SGPL1: variants seen among roughly 807,000 people sequenced by gnomAD.
The protein encoded by SGPL1 is SP-lyase 1.
In SGPL1, 37 loss-of-function variants were observed where a neutral mutation model predicts 68.9. The ratio of observed to expected loss-of-function variants is 0.54; its 90% CI spans 0.41 to 0.71. The LOEUF is 0.71. Among genes scored for constraint, SGPL1 ranks in the 30% least tolerant of loss-of-function variants. The pLI is 0.00. For synonymous variants in SGPL1, 236 were observed against 248.5 expected, an observed-to-expected ratio of 0.95 and a Z score of 0.47; for missense variants, 551 against 704.6, an observed-to-expected ratio of 0.78 and a Z score of 2.47.
chr10:70,819,484 T>C (rs531105551), intron 2 of SGPL1, among the ~76,000 whole-genome samples: 2 of 152,152 alleles, frequency 1.3e-5, no homozygotes, highest in Non-Finnish European at 2.9e-5. Flanking sequence ...CTATGAGGTG[T>C]TTCTCAAGCT....
chr10:70,854,908 G>T, intron 5 of SGPL1, 53 bp downstream of exon 5: 1 of 1,462,900 alleles, frequency 6.8e-7, no homozygotes, highest in African/African-American at 1.4e-5. Context: ...GACAGGTTTT[G>T]TCATTGTTTA....
chr10:70,849,846 T>G (rs1845850710), intron 3 of SGPL1, among the ~76,000 whole-genome samples: 1 of 152,216 alleles, frequency 6.6e-6, no homozygotes, highest in South Asian at 2.1e-4. Flanking sequence ...TGAAGCAGTA[T>G]AGAATCCTGG....
intron 2 of SGPL1, among the ~76,000 whole-genome samples, chr10:70,843,759 T>C (rs1020474103): frequency 1.3e-5 from 2 of 152,224 alleles, no homozygotes; most frequent in Non-Finnish European, 2.9e-5. Flanking sequence ...AGAGCAGGCA[T>C]TGGTAAATTG....
In SGPL1 at chr10:70,854,689, G is replaced by T. The variant is rs2131903241; in HGVS notation, c.262-19G>T. The stretch of plus-strand genomic sequence containing the variant: ...TGTACTCTTGCATCTGGATAACTTT[G>T]TCTTTCTTACCTTTGGAGATTCAAG... On this transcript the variant is annotated intron_variant, in intron 4 of 14. Transcript: ENST00000373202. 1 of 1,597,044 alleles carries T rather than the reference G, an allele frequency of 6.3e-7. No individual in the cohort carries two copies. The highest frequency in any genetic ancestry group is 2.2e-5 in the East Asian group (1 of 44,698).
chr10:70,847,914 G>A (rs1374504692), intron 3 of SGPL1, among the ~76,000 whole-genome samples: 5 of 152,220 alleles, frequency 3.3e-5, no homozygotes, highest in Non-Finnish European at 5.9e-5. Flanking sequence ...CCCTCTTGAG[G>A]GAAGAGAGTA....
intron 7 of SGPL1, among the ~76,000 whole-genome samples, chr10:70,864,261 C>T (rs1354737882): frequency 6.6e-6 from 1 of 152,146 alleles, no homozygotes; most frequent in Non-Finnish European, 1.5e-5. Context: ...CTCCGCTTTT[C>T]ATATGATTTC....
At position 70,879,683 on chromosome 10, in the gene SGPL1, A is replaced by G. The variant is rs563646295; in HGVS notation, c.*2348A>G. ...CTCGCTTCCTCTGTGCTGTGACAACATTGGTGCCAGGGGAGATGGTGTTTT... is the reference window on the plus strand; with the variant it reads ...CTCGCTTCCTCTGTGCTGTGACAACGTTGGTGCCAGGGGAGATGGTGTTTT... On this transcript the variant is annotated 3_prime_UTR_variant, in exon 15 of 15. Coordinates refer to ENST00000373202, the MANE Select transcript of SGPL1 (RefSeq NM_003901.4). 6.6e-6 allele frequency: 1 copy of G among 152,516 alleles called. No homozygotes were observed. The highest frequency in any genetic ancestry group is 2.4e-5 in the African/African-American group (1 of 41,566). 9.4% of individuals were successfully genotyped at this position (152,516 alleles called of 1,614,324 possible).
chr10:70,835,109 A>C (rs1845603364), intron 2 of SGPL1, among the ~76,000 whole-genome samples: 1 of 152,222 alleles, frequency 6.6e-6, no homozygotes, highest in South Asian at 2.1e-4. Context: ...GAAACATCCT[A>C]GGATCTTGCA....
Position 70,859,400 on chromosome 10 carries a change from C to T in SGPL1, c.516C>T (p.Pro172=), listed in dbSNP as rs761471991. Residue 172 remains proline (P), a synonymous_variant, in exon 7 of 15, where the codon CCC becomes CCT. Transcript: ENST00000373202. ...ATGGAGATTTTGCATGGAGTAACCC[C>T]CTGCATCCAGATATCTTCCCAGGAC... ...KAYGDFAWSN[P]LHPDIFPGLR... 19 of 1,543,252 alleles carry T rather than the reference C, an allele frequency of 1.2e-5. No individual in the cohort carries two copies. The African/African-American group carries it at 1.3e-4, about 10-fold the overall frequency.
intron 3 of SGPL1, among the ~76,000 whole-genome samples, chr10:70,849,926 T>C (rs1366256288): frequency 2.0e-5 from 3 of 152,230 alleles, no homozygotes; most frequent in Admixed American, 2.0e-4. Flanking sequence ...TCTGTGGCCT[T>C]GAGCAAGTTT....
intron 2 of SGPL1, among the ~76,000 whole-genome samples, chr10:70,830,900 A>T (rs1589450288): frequency 6.6e-6 from 1 of 152,334 alleles, no homozygotes; most frequent in East Asian, 1.9e-4. Context: ...ACTCCAAAAG[A>T]GGAAACCAGG....
intron 12 of SGPL1, among the ~76,000 whole-genome samples, chr10:70,874,891 C>G (rs1178526041): frequency 6.6e-6 from 1 of 152,042 alleles, no homozygotes; most frequent in Admixed American, 6.6e-5. Flanking sequence ...GGTGACAGAG[C>G]AAGACCCTGT....
chr10:70,826,632 C>G (rs1207849604), intron 2 of SGPL1, among the ~76,000 whole-genome samples: 2 of 152,174 alleles, frequency 1.3e-5, no homozygotes, highest in African/African-American at 4.8e-5. Flanking sequence ...TACGCTTCAC[C>G]CTGTTACAAA....
At chr10:70,877,010 T>C (rs886310324) in intron 14 of SGPL1, among the ~76,000 whole-genome samples, 185 bp from the exon 15 acceptor site, 38 of 152,200 alleles carry the variant, frequency 2.5e-4, no homozygotes, top group Admixed American at 2.2e-3. Flanking sequence ...GACTGGAAAG[T>C]CCCTGTGAAA....
rs373068535 is a variant in SGPL1, at chr10:70,869,856, G to T, written c.769G>T (p.Val257Leu). The change falls in exon 9 of 15, where the codon GTG becomes TTG. Residue 257 changes from valine to leucine, a missense_variant. Transcript: ENST00000373202. ...AGCCAGTTACTTTGGGATGAAGATT[G>T]TGCGGGTCCCATTGACGAAGATGAT... ...KAASYFGMKI[V>L]RVPLTKMMEV... 64 of 1,614,030 alleles carry T rather than the reference G, an allele frequency of 4.0e-5. No individual in the cohort carries two copies. The African/African-American group carries it at 7.6e-4, about 19-fold the overall frequency.
chr10:70,829,115 C>T (rs79077873), intron 2 of SGPL1, among the ~76,000 whole-genome samples: 10,650 of 152,172 alleles, frequency 0.07, 490 homozygotes, highest in African/African-American at 0.1. Context: ...CCAACAATCA[C>T]GACCACAAGA....
chr10:70,842,655 GAACT>G (rs1186477693), intron 2 of SGPL1, among the ~76,000 whole-genome samples: 1 of 152,074 alleles, frequency 6.6e-6, no homozygotes, highest in Non-Finnish European at 1.5e-5. Context: ...GATCTCACCT[GAACT>G]AACTGAGCAA....
At chr10:70,859,293 A>G (rs1846011076) in intron 6 of SGPL1, 78 bp from the exon 7 acceptor site, 3 of 1,102,428 alleles carry the variant, frequency 2.7e-6, no homozygotes, top group Non-Finnish European at 3.5e-6. Context: ...ATACTTAGAA[A>G]CTGTTGTTTA....
chr10:70,857,284 A>G, intron 5 of SGPL1: 2 of 314,060 alleles, frequency 6.4e-6, no homozygotes, highest in Middle Eastern at 2.3e-3. Context: ...CCATATAGAG[A>G]ACAAAAAATA....
Sources: allele counts gnomAD v4.1 joint callset (sites outside exome capture counted in the v4.1 genomes callset), GRCh38; gene constraint gnomAD v4.1.1; transcripts MANE v1.5; gene names NCBI Gene and HGNC (gene_info 2026-07-23, HGNC 2026-07-21).